ITPKB: variants seen among roughly 807,000 people sequenced by gnomAD.
The protein encoded by ITPKB is IP3 3-kinase B.
ITPKB carries 13 observed loss-of-function variants against 69.4 expected under a neutral mutation model. That is an observed-to-expected ratio of 0.19 (90% CI 0.12 to 0.30). The LOEUF is 0.30. ITPKB is among the 10% of genes least tolerant of loss of function. The probability of loss-of-function intolerance (pLI) is 1.00; values close to 1 mark genes in which losing one functional copy is unlikely to be tolerated. For missense variants in ITPKB, 1,240 were observed against 1,250.5 expected, an observed-to-expected ratio of 0.99 and a Z score of 0.13; for synonymous variants, 584 against 513.7, an observed-to-expected ratio of 1.14 and a Z score of -1.85.
chr1:226,691,847 C>T (rs1279843745), intron 2 of ITPKB, among the ~76,000 whole-genome samples: 1 of 152,182 alleles, frequency 6.6e-6, no homozygotes, highest in East Asian at 1.9e-4. Flanking sequence ...AATAGCAAAT[C>T]CCCCAGAGCT....
At chr1:226,681,354 C>G (rs1012833846) in intron 2 of ITPKB, among the ~76,000 whole-genome samples, 2 of 152,110 alleles carry the variant, frequency 1.3e-5, no homozygotes, top group Non-Finnish European at 2.9e-5. Flanking sequence ...TAAAATTGGG[C>G]AGAGAAGGCA....
chr1:226,679,673 A>T (rs1024646434), intron 2 of ITPKB, among the ~76,000 whole-genome samples: 15 of 152,260 alleles, frequency 9.9e-5, no homozygotes, highest in African/African-American at 3.6e-4. Context: ...TTTTGCAGAA[A>T]TAAAAGCAGT....
At position 226,687,546 on chromosome 1, in the gene ITPKB, C is replaced by T. The variant is rs138408936; in HGVS notation, c.1933-38775G>A. Among the ~76,000 whole-genome samples, 46 of 152,286 alleles carry T rather than the reference C, an allele frequency of 3.0e-4. No individual in the cohort carries two copies. The South Asian group carries it at 4.2e-3, about 14-fold the overall frequency. ...TTCCACTGAGACCAAGGGTGCTGCC[C>T]GCTGTAAAGGAACATGAATGAGCTC... On this transcript the variant is annotated intron_variant, in intron 2 of 7. Coordinates refer to ENST00000429204, the MANE Select transcript of ITPKB (RefSeq NM_002221.4).
intron 2 of ITPKB, among the ~76,000 whole-genome samples, chr1:226,692,109 C>A (rs1186276633): frequency 6.6e-6 from 1 of 152,214 alleles, no homozygotes; most frequent in Non-Finnish European, 1.5e-5. Context: ...AACCCTGTAA[C>A]TTTCAAGTTT....
intron 2 of ITPKB, among the ~76,000 whole-genome samples, chr1:226,661,836 C>T (rs1669408621): frequency 6.6e-6 from 1 of 152,128 alleles, no homozygotes; most frequent in Non-Finnish European, 1.5e-5. Flanking sequence ...CTGTATGAGC[C>T]CAGCAGATGT....
intron 4 of ITPKB, 22 bp downstream of exon 4, chr1:226,647,145 G>C (rs746519541): frequency 1.2e-6 from 2 of 1,609,242 alleles, no homozygotes; most frequent in South Asian, 2.2e-5. Flanking sequence ...CAGGCATGTG[G>C]GCTGCGAGAA....
intron 2 of ITPKB, among the ~76,000 whole-genome samples, chr1:226,678,288 C>T (rs551771042): frequency 3.4e-4 from 51 of 152,114 alleles, no homozygotes; most frequent in Admixed American, 1.5e-3. Flanking sequence ...GAAAATAAAA[C>T]GACACAAAAT....
chr1:226,705,582 C>G (rs1656780961), intron 2 of ITPKB, among the ~76,000 whole-genome samples: 2 of 152,052 alleles, frequency 1.3e-5, no homozygotes, highest in Non-Finnish European at 2.9e-5. Flanking sequence ...CCCTCCTTCC[C>G]CAAGCTTCCT....
At position 226,736,509 on chromosome 1, in the gene ITPKB, C is replaced by T. The variant is rs142505897; in HGVS notation, c.950G>A (p.Arg317His). 1.4e-4 allele frequency: 233 copies of T among 1,613,876 alleles called. No homozygotes were observed. The highest frequency in any genetic ancestry group is 1.8e-4 in the Non-Finnish European group (217 of 1,180,046). ...AARVTSTGPH[R>H]PQDLALTEPS... ...CTCAGTGAGGGCAAGATCCTGTGGA[C>T]GGTGTGGCCCAGTGGATGTAACTCT... Residue 317 changes from arginine (R) to histidine (H), a missense_variant, in exon 2 of 8, where the codon CGT becomes CAT. By Grantham distance (29) the Arg-to-His change is conservative (BLOSUM62 0). This residue lies in a region of ITPKB where 992 missense variants were observed against 853.8 expected (regional missense o/e 1.16). Transcript: ENST00000429204.
chr1:226,670,891 C>T (rs184018358), intron 2 of ITPKB, among the ~76,000 whole-genome samples: 2 of 152,206 alleles, frequency 1.3e-5, no homozygotes, highest in Non-Finnish European at 1.5e-5. Flanking sequence ...ATGATGATAC[C>T]TATTCTTTTT....
chr1:226,640,496 A>AC (rs1362894887), intron 5 of ITPKB, among the ~76,000 whole-genome samples: 1 of 152,056 alleles, frequency 6.6e-6, no homozygotes, highest in Non-Finnish European at 1.5e-5. Context: ...TGGGCAGTGC[A>AC]CCCCAGGCAG....
At chr1:226,636,113 T>C (rs1040934276) in intron 7 of ITPKB, among the ~76,000 whole-genome samples, 1 of 152,148 alleles carries the variant, frequency 6.6e-6, no homozygotes, top group Non-Finnish European at 1.5e-5. Context: ...AGCAGAAGTG[T>C]TGAAGAAGGG....
chr1:226,644,934 G>A (rs570879986), intron 4 of ITPKB, among the ~76,000 whole-genome samples: 1 of 152,354 alleles, frequency 6.6e-6, no homozygotes, highest in African/African-American at 2.4e-5. Context: ...TGGCACCCCA[G>A]GGAAATGCCA....
chr1:226,732,652 C>T (rs773542218), intron 2 of ITPKB, among the ~76,000 whole-genome samples: 2 of 151,226 alleles, frequency 1.3e-5, no homozygotes, highest in Non-Finnish European at 2.9e-5. Context: ...ACATTTTAAG[C>T]CTGGTGTCTC....
chr1:226,670,944 G>GT (rs1669603744), intron 2 of ITPKB, among the ~76,000 whole-genome samples: 2 of 152,166 alleles, frequency 1.3e-5, no homozygotes, highest in Non-Finnish European at 2.9e-5. Context: ...CTTTTACAAT[G>GT]TAAAAAATAT....
At chr1:226,700,355 C>T (rs1656604001) in intron 2 of ITPKB, among the ~76,000 whole-genome samples, 1 of 151,434 alleles carries the variant, frequency 6.6e-6, no homozygotes, top group Admixed American at 6.6e-5. Context: ...TGTAGTCCCA[C>T]CTACTCGGGA....
At chr1:226,725,283 G>C (rs1657374431) in intron 2 of ITPKB, among the ~76,000 whole-genome samples, 1 of 152,208 alleles carries the variant, frequency 6.6e-6, no homozygotes, top group South Asian at 2.1e-4. Flanking sequence ...GCAGACAAGG[G>C]TATTAAATAA....
intron 2 of ITPKB, among the ~76,000 whole-genome samples, chr1:226,724,106 GCACCCCCTGAGAGAGGCT>G (rs1657333570): frequency 6.6e-6 from 1 of 152,022 alleles, no homozygotes; most frequent in African/African-American, 2.4e-5. Flanking sequence ...CATCTTCACA[GCACCCCCTGAGAGAGGCT>G]CATTATCCTC....
At chr1:226,707,227 G>C (rs1023772089) in intron 2 of ITPKB, 3 of 424,328 alleles carry the variant, frequency 7.1e-6, no homozygotes, top group Non-Finnish European at 9.4e-6. Context: ...ATGGAGTTTA[G>C]CTCTTTCGCC....
Sources: gnomAD v4.1 joint callset for allele counts (sites outside exome capture counted in the v4.1 genomes callset) on GRCh38, gnomAD v4.1.1 for gene constraint, gnomAD v4.1.1 regional missense constraint, MANE v1.5 for transcripts, NCBI Gene and HGNC (gene_info 2026-07-23, HGNC 2026-07-21) for gene names.